NT5DC1: variants seen among roughly 807,000 people sequenced by gnomAD.
NT5DC1 encodes 5'-nucleotidase domain containing 1.
In NT5DC1, 42 loss-of-function variants were observed where a neutral mutation model predicts 59.4. The ratio of observed to expected loss-of-function variants is 0.71; its 90% CI spans 0.55 to 0.92. The LOEUF (loss-of-function observed/expected upper bound fraction) is 0.92, where lower values mean the gene tolerates loss of function less well. Among genes scored for constraint, NT5DC1 ranks in the 40% least tolerant of loss-of-function variants. The probability of loss-of-function intolerance (pLI) is 0.00; values close to 1 mark genes in which losing one functional copy is unlikely to be tolerated. For missense variants in NT5DC1, 501 were observed against 537.1 expected (o/e 0.93, Z 0.66); for synonymous variants, 172 against 188.1 (o/e 0.91, Z 0.70).
At chr6:116,158,066 C>T (rs1451720169) in intron 6 of NT5DC1, among the ~76,000 whole-genome samples, 1 of 152,198 alleles carries the variant, frequency 6.6e-6, no homozygotes, top group Admixed American at 6.5e-5. Flanking sequence ...GCAGCTTCAG[C>T]TCTCAAAAAG....
At chr6:116,219,692 C>T (rs1253235624) in intron 6 of NT5DC1, among the ~76,000 whole-genome samples, 4 of 152,068 alleles carry the variant, frequency 2.6e-5, no homozygotes, top group Non-Finnish European at 5.9e-5. Context: ...CATGGTGGCT[C>T]ATGCCTGTAA....
intron 6 of NT5DC1, among the ~76,000 whole-genome samples, chr6:116,148,759 C>T (rs2114389648): frequency 6.6e-6 from 1 of 152,122 alleles, no homozygotes; most frequent in South Asian, 2.1e-4. Flanking sequence ...GTTTATTATT[C>T]AGATATATGT....
At chr6:116,111,387 T>G (rs1478823808) in intron 4 of NT5DC1, among the ~76,000 whole-genome samples, 2 of 152,236 alleles carry the variant, frequency 1.3e-5, no homozygotes, top group Non-Finnish European at 2.9e-5. Flanking sequence ...CCTTTGTCTC[T>G]TATTTTCCTG....
intron 5 of NT5DC1, among the ~76,000 whole-genome samples, chr6:116,116,559 T>C (rs1381626796): frequency 6.6e-6 from 1 of 152,170 alleles, no homozygotes; most frequent in African/African-American, 2.4e-5. Context: ...GGAGAATTGC[T>C]TAAACCCGGG....
chr6:116,110,743 A>G, intron 3 of NT5DC1, 107 bp from the exon 4 acceptor site: 2 of 845,270 alleles, frequency 2.4e-6, no homozygotes, highest in African/African-American at 1.7e-5. Flanking sequence ...AAAAATACAT[A>G]TGTTTTTGTT....
rs1160145905 is a variant in NT5DC1 at position 116,115,670 on chromosome 6, TA to T, written c.365-17del. Reference sequence around the variant, plus strand: ...ATGCAGCATTATGTTGTTCCCAGTTTAAAATTTTGTTCTTTTTTAGGAAAGT... The same window carrying T: ...ATGCAGCATTATGTTGTTCCCAGTTTAAATTTTGTTCTTTTTTAGGAAAGT... On this transcript the variant is annotated intron_variant, in intron 4 of 11. Coordinates refer to ENST00000319550, the MANE Select transcript of NT5DC1 (RefSeq NM_152729.3). The T allele has an allele frequency of 1.5e-6, 2 of 1,293,438 alleles. No individual in the cohort carries two copies. The highest frequency in any genetic ancestry group is 4.6e-5 in the East Asian group (2 of 43,312). 80.1% of individuals were successfully genotyped at this position (1,293,438 alleles called of 1,614,324 possible).
At chr6:116,217,378 A>G (rs1440933278) in intron 6 of NT5DC1, among the ~76,000 whole-genome samples, 2 of 152,204 alleles carry the variant, frequency 1.3e-5, no homozygotes, top group African/African-American at 4.8e-5. Context: ...CTGGACCTAG[A>G]AAATATCAGC....
At chr6:116,234,330 T>C (rs769152724) in intron 8 of NT5DC1, among the ~76,000 whole-genome samples, 52 of 152,074 alleles carry the variant, frequency 3.4e-4, no homozygotes, top group Non-Finnish European at 6.3e-4. Context: ...GACACTGTTT[T>C]TTGGGTTGGG....
At chr6:116,179,985 T>TA (rs1380694142) in intron 6 of NT5DC1, among the ~76,000 whole-genome samples, 1 of 152,100 alleles carries the variant, frequency 6.6e-6, no homozygotes, top group East Asian at 1.9e-4. Context: ...TCTAGCTGCA[T>TA]AAAATACCCA....
At chr6:116,187,410 C>T (rs184012373) in intron 6 of NT5DC1, among the ~76,000 whole-genome samples, 1 of 152,202 alleles carries the variant, frequency 6.6e-6, no homozygotes, top group Admixed American at 6.6e-5. Context: ...AGCCAAGACA[C>T]TCATGAAGAA....
chr6:116,214,792 C>T (rs1008160489), intron 6 of NT5DC1, among the ~76,000 whole-genome samples: 7 of 151,646 alleles, frequency 4.6e-5, no homozygotes, highest in African/African-American at 1.5e-4. Flanking sequence ...CTGTGTTGTG[C>T]ACATGTACCC....
chr6:116,233,131 C>T (rs1782050621), intron 8 of NT5DC1, among the ~76,000 whole-genome samples: 1 of 152,010 alleles, frequency 6.6e-6, no homozygotes, highest in Admixed American at 6.5e-5. Context: ...GAAAATTGTC[C>T]TAATAATATA....
intron 6 of NT5DC1, among the ~76,000 whole-genome samples, chr6:116,162,556 G>A (rs758670028): frequency 5.9e-5 from 9 of 152,070 alleles, no homozygotes; most frequent in Non-Finnish European, 1.0e-4. Context: ...TTTTAATTCT[G>A]TTTATGTGGT....
At chr6:116,220,493 A>G (rs537684097) in intron 6 of NT5DC1, among the ~76,000 whole-genome samples, 4 of 152,254 alleles carry the variant, frequency 2.6e-5, no homozygotes, top group South Asian at 2.1e-4. Flanking sequence ...GTTCTGGCCT[A>G]TTTTGCACCG....
intron 6 of NT5DC1, among the ~76,000 whole-genome samples, chr6:116,154,903 G>A (rs1780145662): frequency 2.6e-5 from 4 of 151,922 alleles, no homozygotes; most frequent in Admixed American, 2.6e-4. Context: ...TTCTTCATAA[G>A]ATAAAAATAA....
intron 6 of NT5DC1, among the ~76,000 whole-genome samples, chr6:116,191,721 A>G (rs1044095373): frequency 2.0e-5 from 3 of 152,086 alleles, no homozygotes; most frequent in Admixed American, 2.0e-4. Context: ...AATGTAGTTT[A>G]TATAAGTTTC....
chr6:116,138,941 C>T (rs1223412594), intron 6 of NT5DC1, among the ~76,000 whole-genome samples: 2 of 152,140 alleles, frequency 1.3e-5, no homozygotes, highest in East Asian at 3.9e-4. Flanking sequence ...TTTATAATTG[C>T]ATTATTAGTT....
intron 6 of NT5DC1, among the ~76,000 whole-genome samples, chr6:116,206,043 G>A (rs995877628): frequency 6.6e-6 from 1 of 151,944 alleles, no homozygotes; most frequent in African/African-American, 2.4e-5. Context: ...TTTCCTGGAA[G>A]TAACAAAAAG....
At chr6:116,222,557 A>G (rs1781827780) in intron 7 of NT5DC1, among the ~76,000 whole-genome samples, 1 of 152,198 alleles carries the variant, frequency 6.6e-6, no homozygotes, top group Non-Finnish European at 1.5e-5. Context: ...CTGATTGTCA[A>G]ATAAAGTGTC....
Sources: gnomAD v4.1 joint callset for allele counts (sites outside exome capture counted in the v4.1 genomes callset) on GRCh38, gnomAD v4.1.1 for gene constraint, MANE v1.5 for transcripts, NCBI Gene and HGNC (gene_info 2026-07-23, HGNC 2026-07-21) for gene names.